FAT3: variants seen among roughly 807,000 people sequenced by gnomAD.
FAT3 encodes protocadherin Fat 3.
A neutral mutation model predicts 310.2 loss-of-function variants in FAT3; 95 were observed. The observed-to-expected ratio is 0.31, with a 90% CI of 0.26 to 0.36. FAT3 has a LOEUF of 0.36. Among genes scored for constraint, FAT3 ranks in the 10% least tolerant of loss-of-function variants. The probability of loss-of-function intolerance (pLI) is 1.00; values close to 1 mark genes in which losing one functional copy is unlikely to be tolerated. For synonymous variants in FAT3, 2,314 were observed against 2,192.9 expected (o/e 1.06, Z -1.54); for missense variants, 5,408 against 5,715.6 (o/e 0.95, Z 1.74).
At chr11:92,431,902 C>A (rs949842099) in intron 2 of FAT3, among the ~76,000 whole-genome samples, 37 of 152,204 alleles carry the variant, frequency 2.4e-4, no homozygotes, top group Non-Finnish European at 4.1e-4. Flanking sequence ...GTTACTGTGG[C>A]CTTGTAGTAT....
intron 4 of FAT3, among the ~76,000 whole-genome samples, chr11:92,756,198 T>C (rs1434912680): frequency 6.6e-6 from 1 of 152,248 alleles, no homozygotes; most frequent in Non-Finnish European, 1.5e-5. Context: ...ACTCTGCAGA[T>C]AATACCAAAC....
chr11:92,880,994 G>A, intron 23 of FAT3, 110 bp downstream of exon 23: 1 of 1,208,698 alleles, frequency 8.3e-7, no homozygotes, highest in Non-Finnish European at 1.2e-6. Flanking sequence ...ACAGGCAAAG[G>A]GTTAACATCT....
At chr11:92,600,255 G>T (rs894487704) in intron 3 of FAT3, among the ~76,000 whole-genome samples, 1 of 152,166 alleles carries the variant, frequency 6.6e-6, no homozygotes, top group African/African-American at 2.4e-5. Context: ...CCTTAAAAAA[G>T]TGTATAGAGA....
intron 3 of FAT3, among the ~76,000 whole-genome samples, chr11:92,529,293 G>A (rs186795159): frequency 3.3e-5 from 5 of 152,294 alleles, no homozygotes; most frequent in African/African-American, 4.8e-5. Context: ...GGATCTTTGC[G>A]GACCTGAAGG....
chr11:92,275,523 C>T (rs146244890), intron 1 of FAT3, among the ~76,000 whole-genome samples: 2 of 152,022 alleles, frequency 1.3e-5, no homozygotes, highest in Non-Finnish European at 2.9e-5. Context: ...ACACCCCTCC[C>T]CCAGCTTTTC....
rs953590346 is a variant in FAT3, at chr11:92,828,805, G to A, written c.9482-2817G>A. Among the ~76,000 whole-genome samples, 4 of 152,304 alleles carry A rather than the reference G, an allele frequency of 2.6e-5. No individual in the cohort carries two copies. In the South Asian group the frequency reaches 8.3e-4, roughly 32 times the overall value. Reference sequence around the variant, plus strand: ...CTGAGCAGGAAGCTTGGAGAATGCAGAATCTCCTGCCTAGGGGATCAGAGC... The same window carrying A: ...CTGAGCAGGAAGCTTGGAGAATGCAAAATCTCCTGCCTAGGGGATCAGAGC... On this transcript the variant is annotated intron_variant, in intron 13 of 27. Coordinates refer to ENST00000525166, the MANE Select transcript of FAT3 (RefSeq NM_001367949.2).
intron 3 of FAT3, among the ~76,000 whole-genome samples, chr11:92,526,244 T>A (rs1034005436): frequency 2.0e-5 from 3 of 152,210 alleles, no homozygotes; most frequent in Non-Finnish European, 4.4e-5. Context: ...ATTTACTTTT[T>A]GGTATGGCAA....
chr11:92,722,343 T>TC (rs1387822491), intron 4 of FAT3, among the ~76,000 whole-genome samples: 1 of 152,186 alleles, frequency 6.6e-6, no homozygotes, highest in Non-Finnish European at 1.5e-5. Context: ...CTCCTTTGAC[T>TC]CCATGTCTCA....
chr11:92,639,968 A>G (rs929630446), intron 3 of FAT3, among the ~76,000 whole-genome samples: 1 of 152,102 alleles, frequency 6.6e-6, no homozygotes, highest in Non-Finnish European at 1.5e-5. Flanking sequence ...TGGCTTATAC[A>G]TGCCACCTCC....
chr11:92,623,869 G>T (rs1482761891), intron 3 of FAT3, among the ~76,000 whole-genome samples: 1 of 152,132 alleles, frequency 6.6e-6, no homozygotes, highest in East Asian at 1.9e-4. Context: ...CGTGAACCCG[G>T]GAGGCAGAGC....
chr11:92,439,848 C>T (rs1005544667), intron 2 of FAT3, among the ~76,000 whole-genome samples: 9 of 151,438 alleles, frequency 5.9e-5, no homozygotes, highest in Non-Finnish European at 1.0e-4. Context: ...CTCAGGATGT[C>T]GAGGCTGCTG....
intron 1 of FAT3, among the ~76,000 whole-genome samples, chr11:92,315,180 AG>A (rs1947405324): frequency 6.6e-6 from 1 of 151,092 alleles, no homozygotes; most frequent in Non-Finnish European, 1.5e-5. Context: ...TGACATGATC[AG>A]GGTCCTTCTA....
chr11:92,615,171 T>C (rs1228222994), intron 3 of FAT3, among the ~76,000 whole-genome samples: 2 of 152,222 alleles, frequency 1.3e-5, no homozygotes, highest in Non-Finnish European at 2.9e-5. Context: ...TAAGATTGTT[T>C]GGGCTATTTT....
intron 13 of FAT3, among the ~76,000 whole-genome samples, chr11:92,820,308 C>G (rs1443117030): frequency 6.6e-6 from 1 of 152,128 alleles, no homozygotes; most frequent in East Asian, 1.9e-4. Context: ...TTCCTAGGTG[C>G]ACCTGGATGT....
intron 14 of FAT3, 93 bp downstream of exon 14, chr11:92,832,104 G>T: frequency 7.2e-7 from 1 of 1,380,146 alleles, no homozygotes; most frequent in Non-Finnish European, 9.6e-7. Flanking sequence ...GCTGAGGCAA[G>T]AAGATCGAGT....
At chr11:92,456,751 C>T (rs913141349) in intron 2 of FAT3, among the ~76,000 whole-genome samples, 7 of 152,110 alleles carry the variant, frequency 4.6e-5, no homozygotes, top group Non-Finnish European at 5.9e-5. Flanking sequence ...AAATATTTAT[C>T]AGCCATTTAT....
rs1362848181 is a variant in FAT3 at position 92,889,254 on chromosome 11, T to G, written c.13111+6T>G. On this transcript the variant is annotated splice_donor_region_variant and intron_variant, in intron 26 of 27. Transcript: ENST00000525166. ...TGACACTATAGAGAATGAAGGTATT[T>G]ACTTTTTTTCTTCCATAGCATTTCT... is the stretch of plus-strand genomic sequence containing the variant. The G allele has an allele frequency of 1.4e-6, 1 of 704,196 alleles. No homozygotes were observed. Among genetic ancestry groups the G allele is most frequent in the Non-Finnish European group, 2.6e-6 (1 of 378,354 alleles). 43.6% of individuals were successfully genotyped at this position (704,196 alleles called of 1,614,324 possible).
rs1162159841 is a variant in FAT3, at chr11:92,697,522, C to A, written c.3669+77C>A. 3 of 1,318,752 alleles carry A rather than the reference C, an allele frequency of 2.3e-6. No homozygotes were observed. The East Asian group carries it at 6.9e-5, about 30-fold the overall frequency. 81.7% of individuals were successfully genotyped at this position (1,318,752 alleles called of 1,614,324 possible). On this transcript the variant is annotated intron_variant, in intron 4 of 27. Transcript: ENST00000525166. ...TCTTTAACCTTCAACATAAACTACA[C>A]CTTCAATATATTTGAACAGTGGATA... is the stretch of plus-strand genomic sequence containing the variant.
At chr11:92,449,567 G>A (rs548866488) in intron 2 of FAT3, among the ~76,000 whole-genome samples, 1 of 152,162 alleles carries the variant, frequency 6.6e-6, no homozygotes, top group Non-Finnish European at 1.5e-5. Flanking sequence ...GGCCAGGAGT[G>A]CATTTAGGGA....
Sources: gnomAD v4.1 joint callset for allele counts (sites outside exome capture counted in the v4.1 genomes callset) on GRCh38, gnomAD v4.1.1 for gene constraint, MANE v1.5 for transcripts, NCBI Gene and HGNC (gene_info 2026-07-23, HGNC 2026-07-21) for gene names.